ABCC4: variants seen among roughly 807,000 people sequenced by gnomAD.
The protein encoded by ABCC4 is ATP-binding cassette sub-family C member 4.
In ABCC4, 102 loss-of-function variants were observed where a neutral mutation model predicts 168.5. The ratio of observed to expected loss-of-function variants is 0.61; its 90% confidence interval spans 0.52 to 0.71. The LOEUF (loss-of-function observed/expected upper bound fraction) is 0.71. ABCC4 is among the 30% of genes least tolerant of loss of function. The probability of loss-of-function intolerance (pLI) is 0.00; values close to 1 mark genes in which losing one functional copy is unlikely to be tolerated. For missense variants in ABCC4, 1,402 were observed against 1,605.8 expected, an observed-to-expected ratio of 0.87 and a Z score of 2.17; for synonymous variants, 617 against 590.7, an observed-to-expected ratio of 1.04 and a Z score of -0.65.
chr13:95,121,874 C>T (rs1433097505), intron 19 of ABCC4, among the ~76,000 whole-genome samples: 7 of 152,158 alleles, frequency 4.6e-5, no homozygotes, highest in African/African-American at 1.7e-4. Flanking sequence ...GGGACCTTCA[C>T]ATAGAGATTG....
In ABCC4 at chr13:95,178,045, C is replaced by G; in HGVS notation, c.1592G>C (p.Arg531Pro). 1 of 1,614,172 alleles carries G rather than the reference C, an allele frequency of 6.2e-7. No individual in the cohort carries two copies. Among genetic ancestry groups the G allele is most frequent in the Middle Eastern group, 1.6e-4 (1 of 6,062 alleles). ...EDGDLTVIGD[R>P]GTTLSGGQKA... ...CTGCCCTCCACTCAGCGTGGTTCCCCGATCTCCTATCACAGTCAGATCACC... is the reference window on the plus strand; with the variant it reads ...CTGCCCTCCACTCAGCGTGGTTCCCGGATCTCCTATCACAGTCAGATCACC... Residue 531 changes from arginine to proline, a missense_variant, in exon 12 of 31, where the codon CGG becomes CCG. Around this residue, in one of 3 missense-constraint regions of ABCC4, gnomAD observed 1,007 missense variants for 1,127.3 expected, o/e 0.89. Coordinates refer to ENST00000645237, the MANE Select transcript of ABCC4 (RefSeq NM_005845.5).
chr13:95,253,487 G>A (rs535279745), intron 1 of ABCC4, among the ~76,000 whole-genome samples: 1 of 152,102 alleles, frequency 6.6e-6, no homozygotes, highest in Non-Finnish European at 1.5e-5. Flanking sequence ...GCTCATGCCT[G>A]TAATCCCAGC....
chr13:95,074,427 C>A (rs967651102), intron 22 of ABCC4, 103 bp from the exon 23 acceptor site: 20 of 800,714 alleles, frequency 2.5e-5, no homozygotes, highest in Admixed American at 1.8e-4. Flanking sequence ...AGTAGGGCAC[C>A]AAAGTTGCAC....
At position 95,233,228 on chromosome 13, in the gene ABCC4, T is replaced by C. The variant is rs562639252; in HGVS notation, c.531+1382A>G. ...ATTATATAACTGTACACAATGTACATTGTATATTGTACATTATATAATGTA... is the reference window on the plus strand; with the variant it reads ...ATTATATAACTGTACACAATGTACACTGTATATTGTACATTATATAATGTA... On this transcript the variant is annotated intron_variant, in intron 4 of 30. Transcript: ENST00000645237. Among the ~76,000 whole-genome samples the C allele has an allele frequency of 2.0e-5, 3 of 152,188 alleles. No individual in the cohort carries two copies. In the East Asian group the frequency reaches 5.8e-4, roughly 29 times the overall value.
intron 1 of ABCC4, among the ~76,000 whole-genome samples, chr13:95,265,870 A>C (rs2040655644): frequency 6.6e-6 from 1 of 152,174 alleles, no homozygotes; most frequent in South Asian, 2.1e-4. Flanking sequence ...GCAGACTTAG[A>C]TAACTGTGAA....
chr13:95,189,189 T>C (rs1296576737), intron 9 of ABCC4, among the ~76,000 whole-genome samples: 1 of 142,966 alleles, frequency 7.0e-6, no homozygotes, highest in African/African-American at 2.6e-5. Context: ...GCGGGAGTGC[T>C]GTGGCGCGAT....
intron 27 of ABCC4, among the ~76,000 whole-genome samples, chr13:95,047,476 CTTTTTTTTTTTT>C (rs71111586): frequency 1.2e-5 from 1 of 83,370 alleles, no homozygotes; most frequent in Admixed American, 1.7e-4. Context: ...ACTGCCTATT[CTTTTTTTTTTTT>C]TTTTTTTTTG....
intron 7 of ABCC4, among the ~76,000 whole-genome samples, chr13:95,207,059 A>T (rs2038803660): frequency 6.6e-6 from 1 of 152,230 alleles, no homozygotes; most frequent in Non-Finnish European, 1.5e-5. Context: ...TTTTTGAGAC[A>T]GAGTTTCACT....
chr13:95,300,667 G>A (rs894429219), intron 1 of ABCC4, among the ~76,000 whole-genome samples: 3 of 152,100 alleles, frequency 2.0e-5, no homozygotes, highest in African/African-American at 7.2e-5. Flanking sequence ...GGATCGAGCT[G>A]TCTCGTAAGG....
intron 1 of ABCC4, among the ~76,000 whole-genome samples, chr13:95,267,973 A>G (rs1452467966): frequency 6.6e-6 from 1 of 152,186 alleles, no homozygotes. Context: ...CAAAACCTGG[A>G]TGAGATTTCC....
intron 5 of ABCC4, 122 bp downstream of exon 5, chr13:95,210,570 C>T (rs1330514075): frequency 1.9e-5 from 15 of 774,138 alleles, no homozygotes; most frequent in South Asian, 3.7e-5. Context: ...AAGCCTTCAG[C>T]GAGCTATGAT....
At chr13:95,201,346 G>A (rs761231032) in intron 8 of ABCC4, among the ~76,000 whole-genome samples, 13 of 152,186 alleles carry the variant, frequency 8.5e-5, no homozygotes, top group African/African-American at 2.4e-4. Context: ...CCTGAAAATC[G>A]TCTGCAGGAT....
At chr13:95,199,122 T>C (rs867078173) in intron 8 of ABCC4, among the ~76,000 whole-genome samples, 76 of 152,220 alleles carry the variant, frequency 5.0e-4, no homozygotes, top group African/African-American at 1.6e-3. Context: ...AAAAGTATAA[T>C]AAAAAAATTA....
chr13:95,268,849 G>A (rs753046839), intron 1 of ABCC4, among the ~76,000 whole-genome samples: 2 of 151,904 alleles, frequency 1.3e-5, no homozygotes. Context: ...CCTGGGGCGC[G>A]GGTCCTGGCG....
intron 21 of ABCC4, among the ~76,000 whole-genome samples, chr13:95,080,354 A>ACCCGC (rs1355322022): frequency 2.0e-5 from 3 of 151,928 alleles, no homozygotes; most frequent in African/African-American, 7.3e-5. Context: ...TGACTCTTGC[A>ACCCGC]AACATAAAAT....
intron 30 of ABCC4, 152 bp from the exon 31 acceptor site, chr13:95,021,834 C>G: frequency 1.6e-6 from 1 of 629,160 alleles, no homozygotes; most frequent in Non-Finnish European, 2.7e-6. Context: ...ATCTACTGTA[C>G]AGAGAAATTA....
intron 1 of ABCC4, among the ~76,000 whole-genome samples, chr13:95,282,981 C>G (rs1336201816): frequency 6.6e-6 from 1 of 151,722 alleles, no homozygotes; most frequent in East Asian, 2.0e-4. Context: ...ACTTTGGGAT[C>G]CCAAGGCAGG....
chr13:95,124,274 G>T (rs1594135441), intron 19 of ABCC4, among the ~76,000 whole-genome samples: 1 of 152,176 alleles, frequency 6.6e-6, no homozygotes, highest in Non-Finnish European at 1.5e-5. Flanking sequence ...CTCGGCTTCT[G>T]CCTGTGTGTG....
intron 24 of ABCC4, 50 bp downstream of exon 24, chr13:95,073,154 T>C (rs773604803): frequency 6.8e-7 from 1 of 1,466,060 alleles, no homozygotes; most frequent in African/African-American, 1.4e-5. Flanking sequence ...TTTTATACCA[T>C]TTAATGGCAA....
Sources: gnomAD v4.1 joint callset for allele counts (sites outside exome capture counted in the v4.1 genomes callset) on GRCh38, gnomAD v4.1.1 for gene constraint, gnomAD v4.1.1 regional missense constraint, MANE v1.5 for transcripts, NCBI Gene and HGNC (gene_info 2026-07-23, HGNC 2026-07-21) for gene names.